The following EYA1 variants were observed in gnomAD, a reference collection of about 807,000 sequenced individuals.
The protein encoded by EYA1 is EYA transcriptional coactivator and phosphatase 1.
EYA1 carries 16 observed loss-of-function variants against 82.0 expected under a neutral mutation model. That is an observed-to-expected ratio of 0.20 (90% confidence interval 0.13 to 0.30). The LOEUF is 0.30. Ranked by LOEUF, EYA1 falls within the 10% of genes least tolerant of loss-of-function variation. The pLI, the probability that EYA1 is intolerant of heterozygous loss-of-function variation, is 1.00. For missense variants in EYA1, 633 were observed against 730.7 expected (o/e 0.87, Z 1.54); for synonymous variants, 261 against 264.4 (o/e 0.99, Z 0.12).
intron 7 of EYA1, among the ~76,000 whole-genome samples, chr8:71,310,173 AC>A (rs1302502605): frequency 1.3e-5 from 2 of 152,230 alleles, no homozygotes; most frequent in African/African-American, 4.8e-5. Context: ...GATGTCTCCA[AC>A]CAGCTCTATC....
intron 2 of EYA1, among the ~76,000 whole-genome samples, chr8:71,486,557 G>C (rs192082212): frequency 1.3e-5 from 2 of 152,294 alleles, no homozygotes; most frequent in African/African-American, 4.8e-5. Flanking sequence ...GGAGAAGCTG[G>C]CTATGTGAGT....
rs73293167 is a variant in EYA1 at position 71,507,096 on chromosome 8, C to T, written c.33+28648G>A. On this transcript the variant is annotated intron_variant, in intron 2 of 18. Transcript: ENST00000643681. Reference sequence around the variant, plus strand: ...ATAACAACAATAACAATAGCCTAAACGTACTATGTGCCAGGCACTAGTCTA... The same window carrying T: ...ATAACAACAATAACAATAGCCTAAATGTACTATGTGCCAGGCACTAGTCTA... Among the ~76,000 whole-genome samples, 854 of 152,244 alleles carry T rather than the reference C, an allele frequency of 5.6e-3. 11 individuals are homozygous for T. The highest frequency in any genetic ancestry group is 0.019 in the African/African-American group (800 of 41,542).
At chr8:71,260,879 G>T (rs997850055) in intron 11 of EYA1, among the ~76,000 whole-genome samples, 2 of 152,110 alleles carry the variant, frequency 1.3e-5, no homozygotes, top group Non-Finnish European at 2.9e-5. Context: ...TCAATCAAAA[G>T]AAAGAAAAAT....
intron 2 of EYA1, among the ~76,000 whole-genome samples, chr8:71,510,953 T>A (rs1812551609): frequency 6.6e-6 from 1 of 151,864 alleles, no homozygotes; most frequent in Non-Finnish European, 1.5e-5. Context: ...AGGGAGGGAG[T>A]CTTTTCTCCT....
chr8:71,410,139 T>C (rs1398935023), intron 2 of EYA1, among the ~76,000 whole-genome samples: 8 of 150,676 alleles, frequency 5.3e-5, no homozygotes, highest in African/African-American at 9.8e-5. Flanking sequence ...ACATGATTAT[T>C]TCAATAGATG....
intron 2 of EYA1, among the ~76,000 whole-genome samples, chr8:71,479,438 T>C (rs1416281092): frequency 6.6e-6 from 1 of 152,158 alleles, no homozygotes; most frequent in Admixed American, 6.6e-5. Context: ...TAACATGCTA[T>C]GTAATTTCCT....
chr8:71,410,482 A>G, intron 2 of EYA1, among the ~76,000 whole-genome samples: 1 of 97,148 alleles, frequency 1.0e-5, no homozygotes, highest in Non-Finnish European at 2.3e-5. Context: ...AGAAAACCCC[A>G]TCGTCTCAGC....
chr8:71,383,510 T>C (rs960084462), intron 2 of EYA1, among the ~76,000 whole-genome samples: 4 of 152,116 alleles, frequency 2.6e-5, no homozygotes, highest in Non-Finnish European at 5.9e-5. Context: ...TGCCATTCTA[T>C]AGCATCAAAA....
rs183104870 is a variant in EYA1, at chr8:71,199,235, C to T, written c.*105G>A. 20 of 801,586 alleles carry T rather than the reference C, an allele frequency of 2.5e-5. No individual in the cohort carries two copies. The highest frequency in any genetic ancestry group is 3.3e-4 in the Middle Eastern group (1 of 3,044). The allele number at this position is 801,586 out of a possible 1,614,324, so 49.7% of individuals were successfully genotyped here. A position where few individuals can be genotyped will look rare whatever the true frequency, so the allele number is the denominator to read the frequency against. On this transcript the variant is annotated 3_prime_UTR_variant, in exon 18 of 18. Transcript: ENST00000340726. ...CTGACAGCAACTGCGCATCACCAGG[C>T]GGAAATTGCTAAGTTCTGGAGGCCG...
chr8:71,216,083 T>C (rs919493336), intron 14 of EYA1, among the ~76,000 whole-genome samples: 1 of 152,144 alleles, frequency 6.6e-6, no homozygotes, highest in Non-Finnish European at 1.5e-5. Flanking sequence ...CTCATGGATG[T>C]GCCAAACTAC....
Position 71,477,103 on chromosome 8 carries a change from G to A in EYA1, c.33+58641C>T, listed in dbSNP as rs1216148613. Among the ~76,000 whole-genome samples, 3 of 152,046 alleles carry A rather than the reference G, an allele frequency of 2.0e-5. No individual in the cohort carries two copies. The East Asian group carries it at 5.8e-4, about 29-fold the overall frequency. On this transcript the variant is annotated intron_variant, in intron 2 of 18. Coordinates refer to the EYA1 transcript ENST00000643681. ...AAATGAATCAAAGACTTAAATGCAA[G>A]AGTAGAACTGTAAAACATACAGGGA...
chr8:71,523,184 T>TC (rs1220637217), intron 2 of EYA1, among the ~76,000 whole-genome samples: 1 of 140,468 alleles, frequency 7.1e-6, no homozygotes, highest in Admixed American at 7.1e-5. Context: ...TTTTTCTTTT[T>TC]TTTTTTTTTT....
chr8:71,534,954 A>G (rs1814603071), intron 2 of EYA1, among the ~76,000 whole-genome samples: 1 of 152,204 alleles, frequency 6.6e-6, no homozygotes, highest in Admixed American at 6.5e-5. Context: ...GAGCTATGAA[A>G]TCACATGTCT....
intron 1 of EYA1, among the ~76,000 whole-genome samples, chr8:71,542,335 T>C (rs1019366355): frequency 6.6e-6 from 1 of 152,222 alleles, no homozygotes; most frequent in African/African-American, 2.4e-5. Flanking sequence ...TTTCTGTTTC[T>C]GCCTTAGTTT....
intron 2 of EYA1, among the ~76,000 whole-genome samples, chr8:71,440,699 A>G (rs1183439525): frequency 6.6e-6 from 1 of 152,204 alleles, no homozygotes; most frequent in East Asian, 1.9e-4. Flanking sequence ...TCAAGTTCCC[A>G]TTGGAAATAT....
Position 71,384,948 on chromosome 8 carries a change from AC to A in EYA1, c.34-28438del, listed in dbSNP as rs1334259940. ...CTGACGCAATAATTTATATGCAGGT[AC>A]CAAACCATGGCAAGTAGACCCTTAT... On this transcript the variant is annotated intron_variant, in intron 2 of 18. Transcript: ENST00000643681. Among the ~76,000 whole-genome samples the A allele has an allele frequency of 3.3e-5, 5 of 152,214 alleles. No homozygotes were observed. The East Asian group carries it at 9.6e-4, about 29-fold the overall frequency.
intron 10 of EYA1, 127 bp downstream of exon 10, chr8:71,271,631 T>TA: frequency 1.0e-6 from 1 of 985,774 alleles, no homozygotes; most frequent in South Asian, 1.3e-5. Flanking sequence ...ATTGTTAATA[T>TA]AAAAAAGAAA....
intron 12 of EYA1, among the ~76,000 whole-genome samples, chr8:71,233,283 T>G (rs888599124): frequency 2.0e-5 from 3 of 152,200 alleles, no homozygotes; most frequent in Non-Finnish European, 4.4e-5. Flanking sequence ...CTTTGTTTTC[T>G]GCCGGGTGCG....
intron 2 of EYA1, among the ~76,000 whole-genome samples, chr8:71,458,125 CTT>C (rs900391207): frequency 3.3e-5 from 5 of 151,976 alleles, no homozygotes; most frequent in African/African-American, 1.2e-4. Context: ...AACAAAAAAA[CTT>C]TTAAATATAG....
Sources: allele counts gnomAD v4.1 joint callset (sites outside exome capture counted in the v4.1 genomes callset), GRCh38; gene constraint gnomAD v4.1.1; transcripts MANE v1.5; gene names NCBI Gene and HGNC (gene_info 2026-07-23, HGNC 2026-07-21).